Variants in OTOA observed in about 807,000 individuals in gnomAD.
OTOA encodes cancer/testis antigen 108.
OTOA carries 70 observed loss-of-function variants against 110.8 expected under a neutral mutation model. The observed-to-expected ratio is 0.63, with a 90% CI of 0.52 to 0.77. The LOEUF (loss-of-function observed/expected upper bound fraction) is 0.77, where lower values mean the gene tolerates loss of function less well. OTOA is among the 30% of genes least tolerant of loss of function. The probability of loss-of-function intolerance (pLI) is 0.00; values close to 1 mark genes in which losing one functional copy is unlikely to be tolerated. For missense variants in OTOA, 917 were observed against 1,075.8 expected (o/e 0.85, Z 2.06); for synonymous variants, 373 against 431.5 (o/e 0.86, Z 1.68).
rs983171217 is a variant in OTOA at position 21,679,072 on chromosome 16, G to A, written c.151+6G>A. ...AGATGGAAGCTATCTGAATGGTAATGTGCCCCCTTGATCTCCACTTGCTTC... is the reference window on the plus strand; with the variant it reads ...AGATGGAAGCTATCTGAATGGTAATATGCCCCCTTGATCTCCACTTGCTTC... On this transcript the variant is annotated splice_donor_region_variant and intron_variant, in intron 4 of 28. Coordinates refer to ENST00000646100, the MANE Select transcript of OTOA (RefSeq NM_144672.4). 7.4e-6 allele frequency: 12 copies of A among 1,613,846 alleles called. No individual in the cohort carries two copies. Among genetic ancestry groups the A allele is most frequent in the Non-Finnish European group, 9.3e-6 (11 of 1,179,900 alleles).
At chr16:21,665,958 G>A (rs1387896950) in intron 1 of OTOA, among the ~76,000 whole-genome samples, 1 of 152,042 alleles carries the variant, frequency 6.6e-6, no homozygotes, top group Non-Finnish European at 1.5e-5. Context: ...AACCTCCTGA[G>A]TAGCTAGGGC....
intron 1 of OTOA, among the ~76,000 whole-genome samples, chr16:21,667,324 CA>C (rs1567357898): frequency 2.0e-5 from 3 of 152,156 alleles, no homozygotes; most frequent in Non-Finnish European, 4.4e-5. Flanking sequence ...ATTTGCATAA[CA>C]AGTTAGACAA....
At chr16:21,722,871 T>A in intron 17 of OTOA, 34 bp from the exon 18 acceptor site, 1 of 1,585,440 alleles carries the variant, frequency 6.3e-7, no homozygotes, top group Non-Finnish European at 8.7e-7. Flanking sequence ...TTCTTCTTAC[T>A]GCATTAAATC....
intron 12 of OTOA, 172 bp downstream of exon 12, chr16:21,705,464 C>A: frequency 9.9e-7 from 1 of 1,005,668 alleles, no homozygotes; most frequent in South Asian, 1.5e-5. Context: ...ACATCGAAGC[C>A]CAGACAGAAA....
chr16:21,723,064 G>T, intron 18 of OTOA, 86 bp downstream of exon 18: 1 of 1,414,346 alleles, frequency 7.1e-7, no homozygotes. Context: ...TCCCCACTGG[G>T]TTTTCTTCAG....
At chr16:21,719,889 A>G (rs1477868412) in intron 17 of OTOA, among the ~76,000 whole-genome samples, 1 of 152,112 alleles carries the variant, frequency 6.6e-6, no homozygotes, top group East Asian at 1.9e-4. Context: ...TCTCACTTAA[A>G]ACTTCATTTT....
intron 1 of OTOA, among the ~76,000 whole-genome samples, chr16:21,668,910 G>A (rs139582338): frequency 6.6e-6 from 1 of 152,204 alleles, no homozygotes; most frequent in East Asian, 1.9e-4. Flanking sequence ...GTTTTCCACA[G>A]TCTTGATTTC....
chr16:21,670,902 C>T (rs1189270708), intron 1 of OTOA, among the ~76,000 whole-genome samples: 1 of 152,072 alleles, frequency 6.6e-6, no homozygotes, highest in Non-Finnish European at 1.5e-5. Context: ...GGCCGAGGAA[C>T]AGCCTGTGAG....
intron 21 of OTOA, among the ~76,000 whole-genome samples, chr16:21,735,961 G>GA (rs1597856361): frequency 6.6e-6 from 1 of 152,150 alleles, no homozygotes; most frequent in African/African-American, 2.4e-5. Context: ...CAGTCCCACG[G>GA]AAAAATGAAT....
At chr16:21,680,902 G>A (rs1487553398) in intron 5 of OTOA, among the ~76,000 whole-genome samples, 1 of 151,684 alleles carries the variant, frequency 6.6e-6, no homozygotes, top group African/African-American at 2.4e-5. Context: ...CATTTACTGT[G>A]TGTTGGGCAC....
intron 21 of OTOA, among the ~76,000 whole-genome samples, chr16:21,733,947 A>G (rs1899199282): frequency 6.6e-6 from 1 of 152,064 alleles, no homozygotes; most frequent in African/African-American, 2.4e-5. Context: ...TTATAGGCAT[A>G]CACCACCATG....
chr16:21,680,512 G>A lies in OTOA; in HGVS notation c.180-1226G>A, dbSNP rs757181064. On this transcript the variant is annotated intron_variant, in intron 5 of 28. Coordinates refer to ENST00000646100, the MANE Select transcript of OTOA (RefSeq NM_144672.4). ...CTGGGCAACAGAGTGAGACTCCATC[G>A]CAAAACAAACAAACAAACAAACAAA... is the stretch of plus-strand genomic sequence containing the variant. Among the ~76,000 whole-genome samples, 31 of 144,046 alleles carry A rather than the reference G, an allele frequency of 2.2e-4. 1 individual carries two copies. The highest frequency in any genetic ancestry group is 3.8e-4 in the Non-Finnish European group (25 of 65,532). 94.5% of individuals were successfully genotyped at this position (144,046 alleles called of 152,430 possible).
At chr16:21,665,990 T>A (rs1966839835) in intron 1 of OTOA, among the ~76,000 whole-genome samples, 1 of 152,026 alleles carries the variant, frequency 6.6e-6, no homozygotes, top group Non-Finnish European at 1.5e-5. Flanking sequence ...ACCCAGCTAA[T>A]TTTTAAATTA....
intron 9 of OTOA, among the ~76,000 whole-genome samples, chr16:21,694,385 G>C (rs1897891545): frequency 6.6e-6 from 1 of 152,150 alleles, no homozygotes; most frequent in Non-Finnish European, 1.5e-5. Context: ...TGAGACTGCA[G>C]TGAGCCGTGA....
At chr16:21,733,375 A>G (rs1478593022) in intron 21 of OTOA, among the ~76,000 whole-genome samples, 50 of 151,158 alleles carry the variant, frequency 3.3e-4, no homozygotes, top group Non-Finnish European at 5.3e-4. Context: ...TCCAAGAGGG[A>G]CCAATCCATG....
At position 21,752,330 on chromosome 16, in the gene OTOA, A is replaced by G; in HGVS notation, c.2919-39A>G. The G allele has an allele frequency of 3.1e-6, 2 of 651,914 alleles. 1 individual carries two copies. The allele number at this position is 651,914 out of a possible 1,614,324, so 40.4% of individuals were successfully genotyped here. A position where few individuals can be genotyped will look rare whatever the true frequency, so the allele number is the denominator to read the frequency against. ...TTGTTTGTTTTTGGCTGAAGAGTCC[A>G]AGCTCATATTATATCCCTCCCTCTT... On this transcript the variant is annotated intron_variant, in intron 25 of 28. Coordinates refer to ENST00000646100, the MANE Select transcript of OTOA (RefSeq NM_144672.4).
intron 12 of OTOA, among the ~76,000 whole-genome samples, chr16:21,707,572 C>A (rs977122823): frequency 2.0e-5 from 3 of 148,182 alleles, no homozygotes; most frequent in Admixed American, 1.4e-4. Flanking sequence ...CTCCCTCCCT[C>A]CCTACCTTCC....
At chr16:21,687,786 A>AGC in intron 8 of OTOA, 138 bp downstream of exon 8, 3 of 782,660 alleles carry the variant, frequency 3.8e-6, no homozygotes, top group South Asian at 3.2e-5. Flanking sequence ...TCCTGCCTCA[A>AGC]TTCCAAGTAG....
In OTOA at chr16:21,670,537, G is replaced by A. The variant is rs535501255; in HGVS notation, c.-5+6305G>A. Among the ~76,000 whole-genome samples the A allele has an allele frequency of 1.4e-4, 22 of 151,782 alleles. 1 individual carries two copies. The highest frequency in any genetic ancestry group is 4.8e-4 in the African/African-American group (20 of 41,382). Reference sequence around the variant, plus strand: ...CTACCCTGTTGTATTTTTCTCCATGGCACTCATCACTCCCTGACATAATAT... The same window carrying A: ...CTACCCTGTTGTATTTTTCTCCATGACACTCATCACTCCCTGACATAATAT... On this transcript the variant is annotated intron_variant, in intron 1 of 28. Coordinates refer to ENST00000646100, the MANE Select transcript of OTOA (RefSeq NM_144672.4).
Sources: gnomAD v4.1 joint callset for allele counts (sites outside exome capture counted in the v4.1 genomes callset) on GRCh38, gnomAD v4.1.1 for gene constraint, MANE v1.5 for transcripts, NCBI Gene and HGNC (gene_info 2026-07-23, HGNC 2026-07-21) for gene names.